Variants in TRAPPC10 observed in about 807,000 individuals in gnomAD.
TRAPPC10 encodes the protein TRAPP 130 kDa subunit.
Under a neutral mutation model 125.5 loss-of-function variants are expected in TRAPPC10, and 23 were observed. The ratio of observed to expected loss-of-function variants is 0.18; its 90% confidence interval spans 0.13 to 0.26. The LOEUF (loss-of-function observed/expected upper bound fraction) is 0.26. Ranked by LOEUF, TRAPPC10 falls within the 10% of genes least tolerant of loss-of-function variation. TRAPPC10 has a pLI of 1.00. For synonymous variants in TRAPPC10, 509 were observed against 518.0 expected (o/e 0.98, Z 0.24); for missense variants, 1,123 against 1,308.4 (o/e 0.86, Z 2.19).
rs1601842263 is a variant in TRAPPC10, at chr21:44,094,353, GA to G, written c.3168+125del. The stretch of plus-strand genomic sequence containing the variant: ...TCAACATAATGAAGGAGCAGCTGGA[GA>G]AAAACAGTTGTTGGGGTAGTTGAAT... On this transcript the variant is annotated intron_variant, in intron 20 of 22. Transcript: ENST00000291574. 9.1e-6 allele frequency: 9 copies of G among 985,474 alleles called. No homozygotes were observed. The East Asian group carries it at 1.8e-4, about 20-fold the overall frequency. 61.0% of individuals were successfully genotyped at this position (985,474 alleles called of 1,614,324 possible).
intron 17 of TRAPPC10, 110 bp downstream of exon 17, chr21:44,088,038 C>A: frequency 1.1e-6 from 1 of 913,932 alleles, no homozygotes; most frequent in South Asian, 1.6e-5. Flanking sequence ...CTTCTGATTC[C>A]CGATGCCCTG....
At chr21:44,024,073 A>G (rs769849165) in intron 1 of TRAPPC10, among the ~76,000 whole-genome samples, 6 of 152,264 alleles carry the variant, frequency 3.9e-5, no homozygotes, top group Admixed American at 6.5e-5. Context: ...GGCGTGAGCC[A>G]CCGCACCAGC....
intron 10 of TRAPPC10, among the ~76,000 whole-genome samples, chr21:44,077,074 C>T (rs989098268): frequency 5.9e-5 from 9 of 152,120 alleles, no homozygotes; most frequent in African/African-American, 1.2e-4. Context: ...TTGGTCTGCC[C>T]GTAATGGCTG....
At chr21:44,035,004 C>T (rs1184718265) in intron 2 of TRAPPC10, among the ~76,000 whole-genome samples, 1 of 152,174 alleles carries the variant, frequency 6.6e-6, no homozygotes, top group African/African-American at 2.4e-5. Context: ...TCCTAAGCCT[C>T]CAGGTTTGTG....
chr21:44,052,664 T>TC (rs1320874527), intron 4 of TRAPPC10, among the ~76,000 whole-genome samples, 188 bp downstream of exon 4: 6 of 151,926 alleles, frequency 3.9e-5, no homozygotes, highest in African/African-American at 9.7e-5. Flanking sequence ...GAAGCAGTCA[T>TC]CCCCCGAGTG....
intron 3 of TRAPPC10, among the ~76,000 whole-genome samples, chr21:44,048,004 A>G (rs994411585): frequency 6.6e-6 from 1 of 152,218 alleles, no homozygotes; most frequent in Non-Finnish European, 1.5e-5. Flanking sequence ...TATTCCTTAC[A>G]GCCGAGGCAA....
Position 44,076,648 on chromosome 21 carries a change from C to A in TRAPPC10, c.1377+20C>A. 2.5e-6 allele frequency: 4 copies of A among 1,574,282 alleles called. No individual in the cohort carries two copies. The highest frequency in any genetic ancestry group is 2.2e-5 in the South Asian group (2 of 90,250). ...TACTTAGTAAGTATTAACAAGTGTTCAATGTCTGTTCTGTGAATACCTGTC... is the reference window on the plus strand; with the variant it reads ...TACTTAGTAAGTATTAACAAGTGTTAAATGTCTGTTCTGTGAATACCTGTC... On this transcript the variant is annotated intron_variant, in intron 10 of 22. Transcript: ENST00000291574.
At chr21:44,034,494 G>A (rs1030716689) in intron 2 of TRAPPC10, among the ~76,000 whole-genome samples, 3 of 152,184 alleles carry the variant, frequency 2.0e-5, no homozygotes, top group African/African-American at 7.2e-5. Flanking sequence ...TCCGCTCCGG[G>A]AACTCTGTAG....
chr21:44,037,398 C>G (rs184180511), intron 2 of TRAPPC10, among the ~76,000 whole-genome samples: 5 of 152,282 alleles, frequency 3.3e-5, no homozygotes, highest in African/African-American at 1.2e-4. Context: ...GAATGCAACC[C>G]TAAAGCTTTC....
chr21:44,073,017 T>A (rs1359100794), intron 7 of TRAPPC10, among the ~76,000 whole-genome samples: 1 of 152,238 alleles, frequency 6.6e-6, no homozygotes, highest in East Asian at 1.9e-4. Flanking sequence ...TGCTTCCTGC[T>A]GCCCCGCTTT....
intron 11 of TRAPPC10, among the ~76,000 whole-genome samples, chr21:44,079,113 G>T (rs1035735135): frequency 2.6e-5 from 4 of 152,128 alleles, no homozygotes; most frequent in African/African-American, 9.7e-5. Flanking sequence ...CTGTGTTTCT[G>T]TGCCTTTAGT....
intron 1 of TRAPPC10, among the ~76,000 whole-genome samples, chr21:44,019,349 C>T (rs1601548082): frequency 6.6e-6 from 1 of 152,364 alleles, no homozygotes; most frequent in East Asian, 1.9e-4. Flanking sequence ...TGTGCCCAGA[C>T]AGCTGCAGGG....
chr21:44,077,601 A>T (rs902096613), intron 10 of TRAPPC10, 92 bp from the exon 11 acceptor site: 1 of 1,019,928 alleles, frequency 9.8e-7, no homozygotes. Flanking sequence ...AAAACCCAAC[A>T]ATGTCTTTTG....
rs187535180 is a variant in TRAPPC10 at position 44,091,657 on chromosome 21, C to G, written c.2871-266C>G. ...GTTTCACCATGTTGGCCAGGATGGT[C>G]TCAATCTCCTGACCTCATAATCTGC... is the stretch of plus-strand genomic sequence containing the variant. On this transcript the variant is annotated intron_variant, in intron 18 of 22. Transcript: ENST00000291574. The G allele has an allele frequency of 2.4e-3, 739 of 306,970 alleles. 7 individuals carry two copies. The highest frequency in any genetic ancestry group is 6.2e-3 in the South Asian group (198 of 32,194). The allele number at this position is 306,970 out of a possible 1,614,324, so 19.0% of individuals were successfully genotyped here.
chr21:44,012,618 G>A, intron 1 of TRAPPC10, 58 bp downstream of exon 1: 14 of 1,451,830 alleles, frequency 9.6e-6, no homozygotes, highest in Non-Finnish European at 1.2e-5. Context: ...GGGCCCTGGC[G>A]TTATGCACCC....
Position 44,063,390 on chromosome 21 carries a change from G to A in TRAPPC10, c.791-148G>A. 1 of 1,263,748 alleles carries A rather than the reference G, an allele frequency of 7.9e-7. No homozygotes were observed. The highest frequency in any genetic ancestry group is 2.3e-5 in the East Asian group (1 of 42,804). The allele number at this position is 1,263,748 out of a possible 1,614,324, so 78.3% of individuals were successfully genotyped here. ...CGGCTGTCAGTGCTGGGAGCCGAAT[G>A]CATCACTAGACCACAGGGGGTGGGC... On this transcript the variant is annotated intron_variant, in intron 6 of 22. Transcript: ENST00000291574. This position sits in a 1 kb window ranked among gnomAD's most constrained non-coding sequence, Gnocchi z 4.4.
intron 1 of TRAPPC10, among the ~76,000 whole-genome samples, chr21:44,030,062 C>T (rs555706693): frequency 2.6e-5 from 4 of 152,294 alleles, no homozygotes; most frequent in East Asian, 1.9e-4. Context: ...TGATGGAATG[C>T]GAGAGACATT....
chr21:44,079,895 TAAAA>T, intron 12 of TRAPPC10, 116 bp from the exon 13 acceptor site: 9 of 894,430 alleles, frequency 1.0e-5, no homozygotes, highest in East Asian at 3.3e-5. Flanking sequence ...CCTAGTAACT[TAAAA>T]AAAAAAAGCC....
At chr21:44,083,829 A>C (rs1033458230) in intron 14 of TRAPPC10, among the ~76,000 whole-genome samples, 3 of 152,236 alleles carry the variant, frequency 2.0e-5, no homozygotes, top group Admixed American at 6.5e-5. Flanking sequence ...GGCAGGGCTT[A>C]AATCTCGTGC....
Sources: gnomAD v4.1 joint callset for allele counts (sites outside exome capture counted in the v4.1 genomes callset) on GRCh38, gnomAD v4.1.1 for gene constraint, Gnocchi (gnomAD v3.1) non-coding constraint, MANE v1.5 for transcripts, NCBI Gene and HGNC (gene_info 2026-07-23, HGNC 2026-07-21) for gene names.